CHAF1B: variants seen among roughly 807,000 people sequenced by gnomAD.
CHAF1B encodes chromatin assembly factor 1 subunit B, also known as CAF-1 subunit B.
Under a neutral mutation model 60.7 loss-of-function variants are expected in CHAF1B, and 10 were observed. The ratio of observed to expected loss-of-function variants is 0.16; its 90% CI spans 0.10 to 0.28. The LOEUF is 0.28. Among genes scored for constraint, CHAF1B ranks in the 10% least tolerant of loss-of-function variants. CHAF1B has a pLI of 1.00. For synonymous variants in CHAF1B, 261 were observed against 266.1 expected (o/e 0.98, Z 0.19); for missense variants, 558 against 708.4 (o/e 0.79, Z 2.41).
chr21:36,385,619 C>T (rs1276808129), intron 1 of CHAF1B, among the ~76,000 whole-genome samples, 168 bp downstream of exon 1: 1 of 151,746 alleles, frequency 6.6e-6, no homozygotes, highest in African/African-American at 2.4e-5. Context: ...CTCCTCCCGG[C>T]GGCCTCAGTC....
chr21:36,398,956 A>G (rs1351146465), intron 6 of CHAF1B, among the ~76,000 whole-genome samples: 1 of 151,252 alleles, frequency 6.6e-6, no homozygotes, highest in African/African-American at 2.4e-5. Context: ...AATGCCATTT[A>G]TTTTCTGACA....
chr21:36,394,064 A>AT lies in CHAF1B; in HGVS notation c.378-473dup, dbSNP rs996810974. ...CAGGTGTGCGCCACCACACCTGGCT[A>AT]TTTTTTTTTTGGCTAATTTTTTTTT... On this transcript the variant is annotated intron_variant, in intron 4 of 13. Coordinates refer to ENST00000314103, the MANE Select transcript of CHAF1B (RefSeq NM_005441.3). Among the ~76,000 whole-genome samples, 1,055 of 119,830 alleles carry AT rather than the reference A, an allele frequency of 8.8e-3. 13 individuals carry two copies. The highest frequency in any genetic ancestry group is 0.032 in the African/African-American group (999 of 31,118). The allele number at this position is 119,830 out of a possible 152,430, so 78.6% of individuals were successfully genotyped here.
intron 8 of CHAF1B, among the ~76,000 whole-genome samples, chr21:36,403,593 T>C (rs1219664404): frequency 6.6e-6 from 1 of 151,984 alleles, no homozygotes; most frequent in Admixed American, 6.6e-5. Flanking sequence ...TTTATTCTCC[T>C]CAATAAAGCG....
chr21:36,405,799 T>C (rs1327369398), intron 8 of CHAF1B, among the ~76,000 whole-genome samples: 2 of 152,188 alleles, frequency 1.3e-5, no homozygotes, highest in Non-Finnish European at 2.9e-5. Flanking sequence ...CTGAAGGTTA[T>C]AAAGCAAGTT....
At chr21:36,400,432 T>C (rs763647096) in intron 7 of CHAF1B, among the ~76,000 whole-genome samples, 4 of 151,720 alleles carry the variant, frequency 2.6e-5, no homozygotes, top group Non-Finnish European at 5.9e-5. Context: ...AATCACACCA[T>C]TGCACTCCAG....
chr21:36,413,164 G>C lies in CHAF1B; in HGVS notation c.1342G>C (p.Asp448His), dbSNP rs774679537. Residue 448 changes from aspartate (D) to histidine (H), a missense_variant, in exon 12 of 14, where the codon GAC becomes CAC. Asp to His is a moderately conservative substitution (Grantham distance 81). This residue lies in a region of CHAF1B where 233 missense variants were observed against 214.9 expected (regional missense o/e 1.08). Coordinates refer to ENST00000314103, the MANE Select transcript of CHAF1B (RefSeq NM_005441.3). ...RQAPAPTVIR[D>H]PPSITPAVKS... ...GGCCCCAGCCCCAACAGTCATCAGG[G>C]ACCCTCCCTCCATCACTCCTGCTGT... The C allele has an allele frequency of 1.9e-6, 3 of 1,613,870 alleles. No individual in the cohort carries two copies. The highest frequency in any genetic ancestry group is 2.5e-6 in the Non-Finnish European group (3 of 1,179,978).
intron 2 of CHAF1B, among the ~76,000 whole-genome samples, chr21:36,387,240 T>G (rs1761212076): frequency 6.6e-6 from 1 of 150,910 alleles, no homozygotes; most frequent in Admixed American, 6.6e-5. Context: ...TTTTTTTTTT[T>G]GAGACAGGGT....
intron 8 of CHAF1B, among the ~76,000 whole-genome samples, chr21:36,407,809 CT>C (rs2146373166): frequency 6.6e-6 from 1 of 152,172 alleles, no homozygotes; most frequent in East Asian, 1.9e-4. Context: ...GAAACCCCCT[CT>C]CTACTAAAAA....
chr21:36,393,697 G>A (rs1440856271), intron 4 of CHAF1B, among the ~76,000 whole-genome samples: 1 of 151,732 alleles, frequency 6.6e-6, no homozygotes, highest in South Asian at 2.1e-4. Flanking sequence ...CAGGTGATCC[G>A]CCCACCTCGG....
chr21:36,400,807 C>G (rs904249644), intron 7 of CHAF1B, among the ~76,000 whole-genome samples: 6 of 152,144 alleles, frequency 3.9e-5, no homozygotes, highest in African/African-American at 7.2e-5. Flanking sequence ...AAAATAGGAC[C>G]CTTTTTGTAA....
intron 4 of CHAF1B, among the ~76,000 whole-genome samples, chr21:36,392,896 C>T (rs1355398843): frequency 2.0e-5 from 3 of 152,308 alleles, no homozygotes; most frequent in South Asian, 2.1e-4. Context: ...GCGGAGACCA[C>T]GCCAGTGCCC....
chr21:36,402,962 C>G (rs1195830723), intron 8 of CHAF1B, 111 bp downstream of exon 8: 5 of 840,580 alleles, frequency 5.9e-6, no homozygotes, highest in African/African-American at 1.7e-5. Flanking sequence ...GTGGGGGTCC[C>G]CGACTTACCT....
intron 3 of CHAF1B, among the ~76,000 whole-genome samples, chr21:36,388,117 C>T (rs1472026835): frequency 6.6e-6 from 1 of 152,104 alleles, no homozygotes; most frequent in East Asian, 1.9e-4. Context: ...GCCACTGCGC[C>T]CGGCCTGGAT....
rs1240707379 is a variant in CHAF1B, at chr21:36,413,035, A to G, written c.1213A>G (p.Thr405Ala). The change falls in exon 12 of 14, where the codon ACA becomes GCA. Residue 405 changes from threonine to alanine, a missense_variant. Around this residue, in one of 2 missense-constraint regions of CHAF1B, gnomAD observed 233 missense variants for 214.9 expected, o/e 1.08. Coordinates refer to ENST00000314103, the MANE Select transcript of CHAF1B (RefSeq NM_005441.3). ...TACAGCAAAGAAAACCAAGAGTCAG[A>G]CACATCGAGGGTCTTCGCCAGGACC... ...PDTAKKTKSQ[T>A]HRGSSPGPRP... 4 of 1,614,240 alleles carry G rather than the reference A, an allele frequency of 2.5e-6. No individual in the cohort carries two copies. Among genetic ancestry groups the G allele is most frequent in the Non-Finnish European group, 3.4e-6 (4 of 1,180,046 alleles).
At chr21:36,415,718 C>A in intron 13 of CHAF1B, 1 of 447,788 alleles carries the variant, frequency 2.2e-6, no homozygotes. Flanking sequence ...TTAACAGCAT[C>A]CCCGGCTGCT....
At chr21:36,386,619 T>G (rs1209689432) in intron 2 of CHAF1B, among the ~76,000 whole-genome samples, 3 of 152,116 alleles carry the variant, frequency 2.0e-5, no homozygotes, top group African/African-American at 4.8e-5. Flanking sequence ...ATGAATGAAT[T>G]AACGTATGTC....
intron 3 of CHAF1B, among the ~76,000 whole-genome samples, chr21:36,390,356 GA>G (rs1361686342): frequency 1.1e-4 from 16 of 142,788 alleles, no homozygotes; most frequent in Admixed American, 6.3e-4. Flanking sequence ...AAAAAAGAAA[GA>G]AAAACAAAGA....
At chr21:36,406,296 C>CT (rs1308823540) in intron 8 of CHAF1B, among the ~76,000 whole-genome samples, 1 of 151,890 alleles carries the variant, frequency 6.6e-6, no homozygotes, top group Non-Finnish European at 1.5e-5. Flanking sequence ...ACCTATTCCT[C>CT]TTTTTTTTGA....
intron 8 of CHAF1B, among the ~76,000 whole-genome samples, chr21:36,408,223 C>G (rs534798407): frequency 6.6e-6 from 1 of 152,074 alleles, no homozygotes; most frequent in Admixed American, 6.6e-5. Context: ...GAAGAGCTCT[C>G]AGATGGGGAC....
Sources: allele counts gnomAD v4.1 joint callset (sites outside exome capture counted in the v4.1 genomes callset), GRCh38; gene constraint gnomAD v4.1.1; regional missense constraint gnomAD v4.1.1; transcripts MANE v1.5; gene names NCBI Gene and HGNC (gene_info 2026-07-23, HGNC 2026-07-21).